The following EVL variants were observed in gnomAD, a reference collection of about 807,000 sequenced individuals.
EVL encodes Enah/Vasp-like.
Under a neutral mutation model 59.6 loss-of-function variants are expected in EVL, and 21 were observed. That is an observed-to-expected ratio of 0.35 (90% CI 0.25 to 0.51). EVL has a LOEUF of 0.51. EVL is among the 20% of genes least tolerant of loss of function. The pLI is 0.97. For missense variants in EVL, 462 were observed against 546.6 expected, an observed-to-expected ratio of 0.85 and a Z score of 1.54; for synonymous variants, 198 against 203.5, an observed-to-expected ratio of 0.97 and a Z score of 0.23.
intron 1 of EVL, among the ~76,000 whole-genome samples, chr14:99,985,410 A>G (rs1315869018): frequency 1.3e-5 from 2 of 151,890 alleles, no homozygotes; most frequent in African/African-American, 4.8e-5. Flanking sequence ...TCTTTCTTCC[A>G]GTTGGCTTTT....
intron 1 of EVL, among the ~76,000 whole-genome samples, chr14:100,047,116 CTCTTTT>C (rs1198607785): frequency 0.12 from 3,294 of 28,432 alleles, 233 homozygotes; most frequent in African/African-American, 0.29. Context: ...AGATCTCTCT[CTCTTTT>C]TTTTTTTTTT....
chr14:100,132,110 AT>A (rs1397838512), intron 7 of EVL, among the ~76,000 whole-genome samples: 1 of 151,950 alleles, frequency 6.6e-6, no homozygotes, highest in Non-Finnish European at 1.5e-5. Context: ...AGGCCAAAAA[AT>A]ATGGGTGAGG....
At chr14:100,101,050 A>G (rs1435285069) in intron 3 of EVL, among the ~76,000 whole-genome samples, 1 of 152,162 alleles carries the variant, frequency 6.6e-6, no homozygotes, top group African/African-American at 2.4e-5. Context: ...TTCTGTGTCA[A>G]ACAATATATG....
rs747656673 is a variant in EVL at position 100,084,636 on chromosome 14, A to G, written c.12-51A>G. On this transcript the variant is annotated intron_variant, in intron 1 of 13. Coordinates refer to ENST00000392920, the MANE Select transcript of EVL (RefSeq NM_016337.3). ...TCTATTTCAGAAAAGGGCAAAGTCA[A>G]CTTCCATCCACTGTAGCTGAGGCTG... 1.3e-5 allele frequency: 21 copies of G among 1,585,944 alleles called. 1 individual carries two copies. In the Admixed American group the frequency reaches 1.4e-4, roughly 11 times the overall value.
intron 1 of EVL, among the ~76,000 whole-genome samples, chr14:100,029,881 G>A (rs540990455): frequency 6.6e-6 from 1 of 152,236 alleles, no homozygotes; most frequent in South Asian, 2.1e-4. Context: ...CTGCCCTGAA[G>A]TTGGCTACTC....
chr14:100,094,567 C>T (rs1226206120), intron 2 of EVL, among the ~76,000 whole-genome samples: 1 of 151,094 alleles, frequency 6.6e-6, no homozygotes, highest in Admixed American at 6.6e-5. Context: ...ATGGTGAAAC[C>T]CTGACTCTAC....
At chr14:100,131,464 G>A (rs1252585280) in intron 7 of EVL, among the ~76,000 whole-genome samples, 2 of 152,222 alleles carry the variant, frequency 1.3e-5, no homozygotes, top group Admixed American at 6.5e-5. Flanking sequence ...TTTCATGTAG[G>A]TTGTCTCCCG....
chr14:100,050,654 T>A (rs1036177776), intron 1 of EVL, among the ~76,000 whole-genome samples: 15 of 151,338 alleles, frequency 9.9e-5, no homozygotes, highest in African/African-American at 2.7e-4. Flanking sequence ...TGTGTATTTT[T>A]AAAAATATTT....
chr14:100,014,101 T>C (rs2061034930), intron 1 of EVL, among the ~76,000 whole-genome samples: 1 of 152,328 alleles, frequency 6.6e-6, no homozygotes, highest in East Asian at 1.9e-4. Context: ...AATCACCCTA[T>C]TGTGCTATCA....
chr14:100,078,984 G>T (rs1273407034), intron 1 of EVL, among the ~76,000 whole-genome samples: 1 of 152,218 alleles, frequency 6.6e-6, no homozygotes, highest in Non-Finnish European at 1.5e-5. Flanking sequence ...GGCCTTGGCC[G>T]CCTGCTTTCC....
In EVL at chr14:100,128,752, A is replaced by G. The variant is rs200866953; in HGVS notation, c.717+4A>G. On this transcript the variant is annotated splice_donor_region_variant and intron_variant, in intron 6 of 13. Coordinates refer to ENST00000392920, the MANE Select transcript of EVL (RefSeq NM_016337.3). ...CAAGCTGAGAAGAGTCCAACGGGTAAGAGCTCCTGTGTGCGGGGTGGGAAT... is the reference window on the plus strand; with the variant it reads ...CAAGCTGAGAAGAGTCCAACGGGTAGGAGCTCCTGTGTGCGGGGTGGGAAT... The G allele has an allele frequency of 2.5e-6, 4 of 1,602,898 alleles. No individual in the cohort carries two copies. Among genetic ancestry groups the G allele is most frequent in the Non-Finnish European group, 3.4e-6 (4 of 1,179,274 alleles).
intron 3 of EVL, among the ~76,000 whole-genome samples, chr14:100,117,400 C>T (rs1252909052): frequency 2.0e-5 from 3 of 152,246 alleles, no homozygotes; most frequent in Non-Finnish European, 2.9e-5. Flanking sequence ...CACACTCGCA[C>T]CAGGGCTGGG....
intron 1 of EVL, among the ~76,000 whole-genome samples, chr14:99,986,314 C>CAAAAAAAAAAA (rs2060840149): frequency 7.5e-6 from 1 of 133,294 alleles, no homozygotes; most frequent in African/African-American, 2.9e-5. Context: ...AAAAAAAAAT[C>CAAAAAAAAAAA]AAATGTATCC....
chr14:100,101,082 G>A (rs935222956), intron 3 of EVL, among the ~76,000 whole-genome samples: 2 of 152,084 alleles, frequency 1.3e-5, no homozygotes, highest in African/African-American at 2.4e-5. Context: ...TTTTGGGTCC[G>A]GGCATGGTGG....
chr14:100,028,844 G>A (rs1745973625), intron 1 of EVL, among the ~76,000 whole-genome samples: 1 of 152,162 alleles, frequency 6.6e-6, no homozygotes, highest in African/African-American at 2.4e-5. Flanking sequence ...AAATAAGCGT[G>A]CAGTTGTTGA....
At chr14:100,094,297 T>C (rs975774555) in intron 2 of EVL, among the ~76,000 whole-genome samples, 2 of 152,236 alleles carry the variant, frequency 1.3e-5, no homozygotes. Flanking sequence ...GGTTGTCTGC[T>C]GGCCATATTG....
rs766107185 is a variant in EVL at position 100,109,938 on chromosome 14, G to A, written c.358+12280G>A. On this transcript the variant is annotated intron_variant, in intron 3 of 13. Coordinates refer to ENST00000392920, the MANE Select transcript of EVL (RefSeq NM_016337.3). This position sits in a 1 kb window ranked among gnomAD's most constrained non-coding sequence, Gnocchi z 4.3. ...TGTCACTGACCTAAGACTCAGTTTC[G>A]CCATCTGTGAAATGGCTGAATCAGA... Among the ~76,000 whole-genome samples the A allele has an allele frequency of 4.6e-5, 7 of 152,182 alleles. No individual in the cohort carries two copies. Among genetic ancestry groups the A allele is most frequent in the Non-Finnish European group, 7.3e-5 (5 of 68,042 alleles).
rs183802375 is a variant in EVL at position 100,122,766 on chromosome 14, A to G, written c.359-773A>G. ...TCAGCTCTTTCTTAGGTGGCGGCAG[A>G]AGCTTAACTGTGGCACAGCATGGGA... On this transcript the variant is annotated intron_variant, in intron 3 of 13. Transcript: ENST00000392920. 5.3e-5 allele frequency among the ~76,000 whole-genome samples: 8 copies of G among 152,344 alleles called. No individual in the cohort carries two copies. In the East Asian group the frequency reaches 1.5e-3, roughly 29 times the overall value.
intron 3 of EVL, among the ~76,000 whole-genome samples, chr14:100,118,823 C>T (rs1179085714): frequency 2.0e-5 from 3 of 152,222 alleles, no homozygotes; most frequent in African/African-American, 7.2e-5. Context: ...AAAAGGGCTC[C>T]TCTGACTCAC....
Sources: allele counts gnomAD v4.1 joint callset (sites outside exome capture counted in the v4.1 genomes callset), GRCh38; gene constraint gnomAD v4.1.1; non-coding constraint Gnocchi (gnomAD v3.1); transcripts MANE v1.5; gene names NCBI Gene and HGNC (gene_info 2026-07-23, HGNC 2026-07-21).